WDR11: variants seen among roughly 807,000 people sequenced by gnomAD.
WDR11 encodes WD repeat domain 11.
A neutral mutation model predicts 151.2 loss-of-function variants in WDR11; 83 were observed. The observed-to-expected ratio is 0.55, with a 90% CI of 0.46 to 0.66. The LOEUF (loss-of-function observed/expected upper bound fraction) is 0.66. Among genes scored for constraint, WDR11 ranks in the 30% least tolerant of loss-of-function variants. WDR11 has a pLI of 0.00. For missense variants in WDR11, 1,301 were observed against 1,480.9 expected (o/e 0.88, Z 1.99); for synonymous variants, 484 against 533.1 (o/e 0.91, Z 1.27).
rs1235113016 is a variant in WDR11, at chr10:120,859,969, AC to A, written c.353-139del. On this transcript the variant is annotated intron_variant, in intron 3 of 28. Coordinates refer to ENST00000263461, the MANE Select transcript of WDR11 (RefSeq NM_018117.12). ...GGAATATTGATACACACACACACAC[AC>A]ACACACACGTCACATTTGGGGCTGG... 4.6e-6 allele frequency: 4 copies of A among 870,494 alleles called. No individual in the cohort carries two copies. In the African/African-American group the frequency reaches 5.0e-5, roughly 11 times the overall value. The allele number at this position is 870,494 out of a possible 1,614,324, so 53.9% of individuals were successfully genotyped here.
chr10:120,856,547 C>T (rs1845951982), intron 2 of WDR11, among the ~76,000 whole-genome samples: 1 of 136,648 alleles, frequency 7.3e-6, no homozygotes, highest in South Asian at 2.3e-4. Flanking sequence ...TGCACTCCAG[C>T]CTCGGCAACA....
At chr10:120,869,105 GGT>G (rs201964253) in intron 9 of WDR11, among the ~76,000 whole-genome samples, 1,475 of 71,608 alleles carry the variant, frequency 0.021, 49 homozygotes, top group African/African-American at 0.049. Flanking sequence ...ATAAATTACA[GGT>G]TTTTTTTTTT....
chr10:120,877,536 T>C (rs1846838182), intron 11 of WDR11, among the ~76,000 whole-genome samples: 2 of 152,166 alleles, frequency 1.3e-5, no homozygotes, highest in Admixed American at 1.3e-4. Context: ...GGAGGATCTC[T>C]TGAACCTGGG....
rs986337944 is a variant in WDR11 at position 120,878,575 on chromosome 10, A to G, written c.1663+116A>G. On this transcript the variant is annotated intron_variant, in intron 12 of 28. Coordinates refer to ENST00000263461, the MANE Select transcript of WDR11 (RefSeq NM_018117.12). ...GAATTTTTTTTTATATTTCATGCTT[A>G]TATATTTATTCTTTTATTCTCTAAT... 5.2e-6 allele frequency: 4 copies of G among 773,472 alleles called. No individual in the cohort carries two copies. The South Asian group carries it at 6.6e-5, about 13-fold the overall frequency. 47.9% of individuals were successfully genotyped at this position (773,472 alleles called of 1,614,324 possible). A position where few individuals can be genotyped will look rare whatever the true frequency, so the allele number is the denominator to read the frequency against.
At position 120,883,149 on chromosome 10, in the gene WDR11, C is replaced by A. The variant is rs868233029; in HGVS notation, c.1740-631C>A. ...ACTTTCTGTTGGGGTCACACATGGTCCTGAGTGGAAGAATCTCAGTCCTTT... is the reference window on the plus strand; with the variant it reads ...ACTTTCTGTTGGGGTCACACATGGTACTGAGTGGAAGAATCTCAGTCCTTT... On this transcript the variant is annotated intron_variant, in intron 13 of 28. Coordinates refer to ENST00000263461, the MANE Select transcript of WDR11 (RefSeq NM_018117.12). 2.6e-5 allele frequency among the ~76,000 whole-genome samples: 4 copies of A among 152,202 alleles called. No individual in the cohort carries two copies. The South Asian group carries it at 6.2e-4, about 24-fold the overall frequency.
intron 28 of WDR11, 197 bp from the exon 29 acceptor site, chr10:120,908,359 C>A: frequency 1.6e-6 from 1 of 625,916 alleles, no homozygotes; most frequent in Non-Finnish European, 2.9e-6. Flanking sequence ...CAGACTGAGA[C>A]ATGGCCTACT....
chr10:120,899,267 G>A (rs1437137313), intron 19 of WDR11, among the ~76,000 whole-genome samples: 2 of 152,134 alleles, frequency 1.3e-5, no homozygotes, highest in African/African-American at 2.4e-5. Flanking sequence ...ACCTGGGAAT[G>A]CTAGTGATCA....
At chr10:120,851,700 C>T (rs769534470) in intron 1 of WDR11, 194 bp downstream of exon 1, 32 of 650,472 alleles carry the variant, frequency 4.9e-5, no homozygotes, top group Admixed American at 1.3e-4. Context: ...GTGGGAAATT[C>T]CCCCATGCAA....
rs1468015461 is a variant in WDR11, at chr10:120,875,246, CTTAT to C, written c.1556+1329_1556+1332del. 3.3e-5 allele frequency among the ~76,000 whole-genome samples: 5 copies of C among 152,144 alleles called. 1 individual carries two copies. Among genetic ancestry groups the C allele is most frequent in the African/African-American group, 1.2e-4 (5 of 41,430 alleles). On this transcript the variant is annotated intron_variant, in intron 11 of 28. Transcript: ENST00000263461. ...AAAGTCATTTTAATTGTTAATTTGT[CTTAT>C]TTATTCTTTGTTTAAACATCATCAG...
intron 19 of WDR11, among the ~76,000 whole-genome samples, chr10:120,893,998 G>A (rs1466032285): frequency 1.3e-5 from 2 of 151,894 alleles, no homozygotes; most frequent in Non-Finnish European, 2.9e-5. Flanking sequence ...TTCTTTTGCT[G>A]TGCAGAAGCT....
Position 120,908,970 on chromosome 10 carries a change from A to G in WDR11, c.*257A>G, listed in dbSNP as rs1848183763. 4.3e-6 allele frequency: 2 copies of G among 467,448 alleles called. No individual in the cohort carries two copies. Among genetic ancestry groups the G allele is most frequent in the South Asian group, 6.3e-5 (2 of 31,776 alleles). The allele number at this position is 467,448 out of a possible 1,614,324, so 29.0% of individuals were successfully genotyped here. ...CATAATATTTTATACTTTGGGAGAG[A>G]GCTTTAAGAGTCCCTGGAAATACTT... On this transcript the variant is annotated 3_prime_UTR_variant, in exon 29 of 29. Coordinates refer to ENST00000263461, the MANE Select transcript of WDR11 (RefSeq NM_018117.12).
intron 2 of WDR11, among the ~76,000 whole-genome samples, chr10:120,857,256 A>G (rs993086700): frequency 6.6e-6 from 1 of 152,190 alleles, no homozygotes; most frequent in Non-Finnish European, 1.5e-5. Context: ...TGCCATTGGA[A>G]AAGCTAAAGC....
intron 16 of WDR11, among the ~76,000 whole-genome samples, chr10:120,887,382 T>C (rs1196606073): frequency 6.6e-6 from 1 of 152,334 alleles, no homozygotes; most frequent in East Asian, 1.9e-4. Flanking sequence ...ATGCATCTCA[T>C]AGATAGTTTT....
At chr10:120,851,851 C>T in intron 1 of WDR11, 1 of 407,978 alleles carries the variant, frequency 2.5e-6, no homozygotes, top group Non-Finnish European at 4.6e-6. Flanking sequence ...TGCACTTTCT[C>T]TTTCCCATCC....
At chr10:120,895,678 G>T (rs1425097889) in intron 19 of WDR11, among the ~76,000 whole-genome samples, 1 of 152,120 alleles carries the variant, frequency 6.6e-6, no homozygotes. Flanking sequence ...CATATGAAAT[G>T]ATACTCAACT....
At position 120,871,337 on chromosome 10, in the gene WDR11, C is replaced by T; in HGVS notation, c.1462C>T (p.Leu488=). The T allele has an allele frequency of 1.2e-6, 2 of 1,613,796 alleles. No individual in the cohort carries two copies. The change falls in exon 10 of 29, where the codon CTG becomes TTG. Residue 488 remains leucine, a synonymous_variant. Coordinates refer to ENST00000263461, the MANE Select transcript of WDR11 (RefSeq NM_018117.12). ...AAACATCAAGATGTATCAGCCACTG[C>T]TGGCTGTTGGTGAGTATTTGACCTG... ...TKNIKMYQPL[L]AVGTSNGSVL...
chr10:120,853,871 G>A (rs562327740), intron 2 of WDR11, among the ~76,000 whole-genome samples: 2 of 152,180 alleles, frequency 1.3e-5, no homozygotes, highest in African/African-American at 4.8e-5. Context: ...AGTGTTTCCA[G>A]TTATCAGAGG....
chr10:120,861,228 G>T (rs1846125533), intron 4 of WDR11, among the ~76,000 whole-genome samples: 1 of 152,060 alleles, frequency 6.6e-6, no homozygotes, highest in Non-Finnish European at 1.5e-5. Context: ...TTTATTGAGG[G>T]GTGTGTGTGT....
intron 15 of WDR11, 110 bp from the exon 16 acceptor site, chr10:120,886,579 A>T: frequency 7.4e-7 from 1 of 1,356,282 alleles, no homozygotes; most frequent in Non-Finnish European, 1.0e-6. Flanking sequence ...TTAAAAAAAT[A>T]GTTTTGGACC....
Sources: gnomAD v4.1 joint callset for allele counts (sites outside exome capture counted in the v4.1 genomes callset) on GRCh38, gnomAD v4.1.1 for gene constraint, MANE v1.5 for transcripts, NCBI Gene and HGNC (gene_info 2026-07-23, HGNC 2026-07-21) for gene names.